The following SH3RF3 variants were observed in gnomAD, a reference collection of about 807,000 sequenced individuals.
SH3RF3 encodes the protein E3 ubiquitin-protein ligase SH3RF3.
Under a neutral mutation model 66.3 loss-of-function variants are expected in SH3RF3, and 29 were observed. The ratio of observed to expected loss-of-function variants is 0.44; its 90% confidence interval spans 0.33 to 0.60. The LOEUF (loss-of-function observed/expected upper bound fraction) is 0.60. SH3RF3 is among the 20% of genes least tolerant of loss of function. The pLI, the probability that SH3RF3 is intolerant of heterozygous loss-of-function variation, is 0.04. For missense variants in SH3RF3, 1,194 were observed against 1,190.9 expected, an observed-to-expected ratio of 1.00 and a Z score of -0.04; for synonymous variants, 583 against 532.0, an observed-to-expected ratio of 1.10 and a Z score of -1.32.
chr2:109,364,175 A>AT (rs887553250), intron 2 of SH3RF3, among the ~76,000 whole-genome samples: 35 of 135,742 alleles, frequency 2.6e-4, no homozygotes, highest in South Asian at 7.0e-4. Flanking sequence ...TTTTTTTCTA[A>AT]TTTTTTTTTT....
At chr2:109,192,103 G>T (rs557156210) in intron 1 of SH3RF3, among the ~76,000 whole-genome samples, 1 of 152,210 alleles carries the variant, frequency 6.6e-6, no homozygotes, top group South Asian at 2.1e-4. Flanking sequence ...GTCAACTTTG[G>T]TTAATTTTGG....
intron 1 of SH3RF3, among the ~76,000 whole-genome samples, chr2:109,186,342 G>T (rs1429409977): frequency 6.6e-6 from 1 of 152,246 alleles, no homozygotes; most frequent in African/African-American, 2.4e-5. Flanking sequence ...AGATGAAAAT[G>T]CTGAGGCACG....
At chr2:109,333,587 G>A (rs1236456604) in intron 1 of SH3RF3, among the ~76,000 whole-genome samples, 1 of 152,196 alleles carries the variant, frequency 6.6e-6, no homozygotes, top group African/African-American at 2.4e-5. Flanking sequence ...AGCTCTGGCT[G>A]CTACAATGGC....
At chr2:109,174,188 A>G (rs1033421906) in intron 1 of SH3RF3, among the ~76,000 whole-genome samples, 1 of 152,262 alleles carries the variant, frequency 6.6e-6, no homozygotes. Context: ...GAAGGTAGCC[A>G]TGGATGTCCC....
chr2:109,402,765 G>T (rs1041000504), intron 4 of SH3RF3, among the ~76,000 whole-genome samples: 1 of 152,216 alleles, frequency 6.6e-6, no homozygotes, highest in Non-Finnish European at 1.5e-5. Context: ...TCTGGGCCAT[G>T]GGGGGCAGAG....
chr2:109,223,362 C>G (rs1027986128), intron 1 of SH3RF3, among the ~76,000 whole-genome samples: 2 of 152,146 alleles, frequency 1.3e-5, no homozygotes, highest in Non-Finnish European at 2.9e-5. Context: ...TTCTGAAGCC[C>G]GAAGAAGCAG....
In SH3RF3 at chr2:109,441,132, C is replaced by CAAAAAAAAAAAAA. The variant is rs55649222; in HGVS notation, c.1828+3988_1828+4000dup. 1.7e-3 allele frequency among the ~76,000 whole-genome samples: 223 copies of CAAAAAAAAAAAAA among 133,934 alleles called. 1 individual carries two copies. The highest frequency in any genetic ancestry group is 6.1e-3 in the African/African-American group (205 of 33,586). The allele number at this position is 133,934 out of a possible 152,430, so 87.9% of individuals were successfully genotyped here. A position where few individuals can be genotyped will look rare whatever the true frequency, so the allele number is the denominator to read the frequency against. On this transcript the variant is annotated intron_variant, in intron 7 of 9. Coordinates refer to ENST00000309415, the MANE Select transcript of SH3RF3 (RefSeq NM_001099289.3). ...AAGCTTAAGAATATTTATAGGAATACAAAAAAAAAAAAAATTCCAGCTCTC... is the reference window on the plus strand; with the variant it reads ...AAGCTTAAGAATATTTATAGGAATACAAAAAAAAAAAAAAAAAAAAAAAAAAATTCCAGCTCTC...
intron 1 of SH3RF3, among the ~76,000 whole-genome samples, chr2:109,304,126 C>G (rs1391694986): frequency 6.6e-6 from 1 of 151,948 alleles, no homozygotes; most frequent in African/African-American, 2.4e-5. Context: ...AAGATCTACT[C>G]TGCTAGCAGT....
intron 1 of SH3RF3, among the ~76,000 whole-genome samples, chr2:109,158,973 T>A (rs980994755): frequency 6.6e-6 from 1 of 152,148 alleles, no homozygotes; most frequent in African/African-American, 2.4e-5. Flanking sequence ...AAAAATTAGC[T>A]GGGTGTGGTG....
chr2:109,468,855 G>GA (rs397940375), intron 8 of SH3RF3, among the ~76,000 whole-genome samples: 7,913 of 64,734 alleles, frequency 0.12, 729 homozygotes, highest in African/African-American at 0.26. Context: ...CTCTGTCTCA[G>GA]AAAAAAAAAA....
At chr2:109,436,591 TTTG>T (rs1677405653) in intron 6 of SH3RF3, among the ~76,000 whole-genome samples, 1 of 152,258 alleles carries the variant, frequency 6.6e-6, no homozygotes, top group Non-Finnish European at 1.5e-5. Flanking sequence ...CACACAGCTG[TTTG>T]TAAGAACAAA....
chr2:109,144,300 TTTTA>T (rs1446549873), intron 1 of SH3RF3, among the ~76,000 whole-genome samples: 2 of 152,244 alleles, frequency 1.3e-5, no homozygotes, highest in African/African-American at 2.4e-5. Context: ...TATATACAAT[TTTTA>T]TTTGTCTGTT....
chr2:109,139,342 A>G (rs2104824580), intron 1 of SH3RF3, among the ~76,000 whole-genome samples: 1 of 151,934 alleles, frequency 6.6e-6, no homozygotes, highest in East Asian at 1.9e-4. Context: ...CATGATGCCC[A>G]TGGGTTAATT....
chr2:109,495,445 A>G (rs1316170274), intron 9 of SH3RF3, among the ~76,000 whole-genome samples: 1 of 136,826 alleles, frequency 7.3e-6, no homozygotes, highest in African/African-American at 2.8e-5. Flanking sequence ...TGGGCCACCT[A>G]CCGGCCATTT....
chr2:109,164,072 C>T (rs147307558), intron 1 of SH3RF3, among the ~76,000 whole-genome samples: 55 of 152,278 alleles, frequency 3.6e-4, no homozygotes, highest in African/African-American at 1.3e-3. Flanking sequence ...AGGTGAACCC[C>T]ACTGGCTGTG....
At chr2:109,175,774 A>G (rs925077361) in intron 1 of SH3RF3, among the ~76,000 whole-genome samples, 4 of 152,356 alleles carry the variant, frequency 2.6e-5, no homozygotes, top group South Asian at 2.1e-4. Flanking sequence ...ATTGGCTTCA[A>G]AGAGAGTCTA....
At chr2:109,187,066 A>G (rs1678210063) in intron 1 of SH3RF3, among the ~76,000 whole-genome samples, 1 of 149,814 alleles carries the variant, frequency 6.7e-6, no homozygotes, top group East Asian at 2.1e-4. Flanking sequence ...GTCACGGATC[A>G]TTTAAGCATA....
intron 8 of SH3RF3, among the ~76,000 whole-genome samples, chr2:109,474,867 AAC>A (rs1322425048): frequency 6.6e-6 from 1 of 152,256 alleles, no homozygotes; most frequent in Non-Finnish European, 1.5e-5. Context: ...ATAGTCCAGC[AAC>A]CCTCCAGAGC....
chr2:109,336,543 AG>A (rs1238371431), intron 1 of SH3RF3, among the ~76,000 whole-genome samples: 3 of 152,230 alleles, frequency 2.0e-5, no homozygotes, highest in Non-Finnish European at 4.4e-5. Flanking sequence ...CTGCTCTTGA[AG>A]GAACCAGTTT....
Sources: gnomAD v4.1 joint callset for allele counts (sites outside exome capture counted in the v4.1 genomes callset) on GRCh38, gnomAD v4.1.1 for gene constraint, MANE v1.5 for transcripts, NCBI Gene and HGNC (gene_info 2026-07-23, HGNC 2026-07-21) for gene names.